GNAO1: variants seen among roughly 807,000 people sequenced by gnomAD.
GNAO1 encodes the protein guanine nucleotide-binding protein G(o) subunit alpha.
For synonymous variants in GNAO1, 164 were observed against 180.7 expected, an observed-to-expected ratio of 0.91 and a Z score of 0.74; for missense variants, 166 against 478.7, an observed-to-expected ratio of 0.35 and a Z score of 6.10.
intron 2 of GNAO1, among the ~76,000 whole-genome samples, chr16:56,252,034 G>A (rs1291033606): frequency 2.6e-5 from 4 of 152,222 alleles, no homozygotes; most frequent in South Asian, 2.1e-4. Context: ...GGAGCTATAA[G>A]CAGAAATTAT....
chr16:56,336,604 A>G, intron 5 of GNAO1, 127 bp from the exon 6 acceptor site: 2 of 786,712 alleles, frequency 2.5e-6, no homozygotes, highest in Non-Finnish European at 2.0e-6. Context: ...TCTTCTAGTG[A>G]GGGCTTTTAG....
chr16:56,192,427 C>G, intron 1 of GNAO1, 74 bp downstream of exon 1: 7 of 994,132 alleles, frequency 7.0e-6, no homozygotes, highest in Non-Finnish European at 9.4e-6. Flanking sequence ...CTCCCCCACC[C>G]CACTCGCGCC....
intron 2 of GNAO1, among the ~76,000 whole-genome samples, chr16:56,221,843 G>A (rs1313852189): frequency 6.6e-6 from 1 of 152,034 alleles, no homozygotes; most frequent in Non-Finnish European, 1.5e-5. Context: ...ACATGTCAAT[G>A]TCCTGTGGTC....
chr16:56,244,366 T>TA (rs55668135), intron 2 of GNAO1, among the ~76,000 whole-genome samples: 33,295 of 139,406 alleles, frequency 0.24, 3,797 homozygotes, highest in East Asian at 0.38. Context: ...ACACTTAGCA[T>TA]AAAAAAAAAA....
Position 56,313,943 on chromosome 16 carries a change from C to T in GNAO1, c.304-14688C>T, listed in dbSNP as rs771263758. On this transcript the variant is annotated intron_variant, in intron 3 of 8. Transcript: ENST00000262493. ...ATAGAGACGGGGTCTCACTGTGTTG[C>T]CTGTGCTGGTCAATGACCCTTTCCT... 5.3e-5 allele frequency among the ~76,000 whole-genome samples: 8 copies of T among 150,738 alleles called. No homozygotes were observed. The South Asian group carries it at 1.7e-3, about 32-fold the overall frequency.
chr16:56,209,953 A>G (rs539099412), intron 2 of GNAO1, among the ~76,000 whole-genome samples: 12 of 152,266 alleles, frequency 7.9e-5, no homozygotes, highest in East Asian at 5.8e-4. Flanking sequence ...TGTACATTCT[A>G]TGGGTTTGGA....
intron 3 of GNAO1, among the ~76,000 whole-genome samples, chr16:56,316,826 T>A (rs1462256884): frequency 2.0e-5 from 3 of 151,980 alleles, no homozygotes; most frequent in African/African-American, 7.3e-5. Flanking sequence ...CTCCAATCTG[T>A]GGGGAAGGAA....
chr16:56,192,404 C>G (rs2036184810), intron 1 of GNAO1, 51 bp downstream of exon 1: 1 of 1,128,356 alleles, frequency 8.9e-7, no homozygotes, highest in Non-Finnish European at 1.3e-6. Context: ...CACTCCGCAC[C>G]CCCTGCCACC....
At position 56,192,202 on chromosome 16, in the gene GNAO1, G is replaced by A; in HGVS notation, c.-34G>A. 6.4e-6 allele frequency: 8 copies of A among 1,242,444 alleles called. No homozygotes were observed. The highest frequency in any genetic ancestry group is 9.3e-6 in the Non-Finnish European group (8 of 860,072). 77.0% of individuals were successfully genotyped at this position (1,242,444 alleles called of 1,614,324 possible). ...TCCAAGCCGGGGAGCCGTGCCAGCC[G>A]AGTCGTGCGGGCTGTGGCAGGGAAG... On this transcript the variant is annotated 5_prime_UTR_variant, in exon 1 of 9. Transcript: ENST00000262493.
chr16:56,274,953 G>C (rs1249105614), intron 2 of GNAO1, among the ~76,000 whole-genome samples: 1 of 152,166 alleles, frequency 6.6e-6, no homozygotes, highest in Non-Finnish European at 1.5e-5. Flanking sequence ...AAAAAAAGAA[G>C]AAGAATCTTT....
chr16:56,349,115 G>A (rs1053137441), intron 6 of GNAO1, among the ~76,000 whole-genome samples: 2 of 152,170 alleles, frequency 1.3e-5, no homozygotes, highest in African/African-American at 2.4e-5. Context: ...GGGCTGTGGC[G>A]GGGGCTCAGC....
chr16:56,290,402 A>G (rs149313807), intron 3 of GNAO1, among the ~76,000 whole-genome samples: 19 of 152,288 alleles, frequency 1.2e-4, no homozygotes, highest in African/African-American at 3.9e-4. Flanking sequence ...TGGGTGCTCT[A>G]TTGAAGTCTG....
At chr16:56,196,145 C>A (rs1199527385) in intron 2 of GNAO1, among the ~76,000 whole-genome samples, 2 of 152,102 alleles carry the variant, frequency 1.3e-5, no homozygotes, top group African/African-American at 4.8e-5. Context: ...TTCCCCCCCC[C>A]TTGTGTGTGT....
At chr16:56,248,982 G>C (rs1178506498) in intron 2 of GNAO1, among the ~76,000 whole-genome samples, 1 of 152,184 alleles carries the variant, frequency 6.6e-6, no homozygotes, top group Admixed American at 6.5e-5. Flanking sequence ...TCAGGAGAGA[G>C]GCTGTGGTGG....
At chr16:56,210,159 C>T (rs968592156) in intron 2 of GNAO1, among the ~76,000 whole-genome samples, 1 of 152,208 alleles carries the variant, frequency 6.6e-6, no homozygotes, top group Non-Finnish European at 1.5e-5. Context: ...ACTCAAAAGA[C>T]TTCTAATATG....
intron 2 of GNAO1, among the ~76,000 whole-genome samples, chr16:56,211,227 C>T (rs2036383889): frequency 6.6e-6 from 1 of 152,120 alleles, no homozygotes; most frequent in African/African-American, 2.4e-5. Context: ...TCATTGGAGG[C>T]AGATTATTGA....
chr16:56,263,931 G>A (rs1391843318), intron 2 of GNAO1, among the ~76,000 whole-genome samples: 3 of 152,198 alleles, frequency 2.0e-5, no homozygotes, highest in African/African-American at 4.8e-5. Context: ...CTTAGACCCC[G>A]GGTCTCCTGA....
intron 3 of GNAO1, among the ~76,000 whole-genome samples, chr16:56,292,538 T>A (rs140936507): frequency 3.9e-5 from 6 of 152,236 alleles, no homozygotes; most frequent in African/African-American, 1.2e-4. Flanking sequence ...ATTTTTGTAT[T>A]TTTTGTAGAG....
Position 56,357,273 on chromosome 16 carries a change from A to T in GNAO1, c.*1199A>T, listed in dbSNP as rs1001265123. ...AAAAGACAAAACACACAAAAAATTA[A>T]AAAAAAAAACTTAAAAAAAAAAGGA... is the stretch of plus-strand genomic sequence containing the variant. On this transcript the variant is annotated 3_prime_UTR_variant, in exon 9 of 9. Transcript: ENST00000262493. 14 of 150,846 alleles carry T rather than the reference A, an allele frequency of 9.3e-5. No individual in the cohort carries two copies. The highest frequency in any genetic ancestry group is 3.2e-4 in the African/African-American group (13 of 41,074). The allele number at this position is 150,846 out of a possible 1,614,324, so 9.3% of individuals were successfully genotyped here.
Sources: allele counts gnomAD v4.1 joint callset (sites outside exome capture counted in the v4.1 genomes callset), GRCh38; gene constraint gnomAD v4.1.1; transcripts MANE v1.5; gene names NCBI Gene and HGNC (gene_info 2026-07-23, HGNC 2026-07-21).